The following HAUS7 variants were observed in gnomAD, a reference collection of about 807,000 sequenced individuals.
HAUS7 encodes the protein HAUS augmin-like complex subunit 7.
In HAUS7, 3 loss-of-function variants were observed where a neutral mutation model predicts 28.4. The ratio of observed to expected loss-of-function variants is 0.11; its 90% CI spans 0.05 to 0.27. HAUS7 has a LOEUF of 0.27. HAUS7 is among the 10% of genes least tolerant of loss of function. HAUS7 has a pLI of 1.00. For missense variants in HAUS7, 284 were observed against 297.3 expected (o/e 0.96, Z 0.33); for synonymous variants, 165 against 132.1 (o/e 1.25, Z -1.71).
upstream of HAUS7, chrX:153,470,708 G>A (rs1458656554): frequency 1.5e-5 from 13 of 850,496 alleles, no homozygotes; most frequent in Non-Finnish European, 2.1e-5. Context: ...CCGCCTGCGC[G>A]GGCCCCGGGC....
At chrX:153,469,492 CA>C (rs1419568906) in intron 1 of HAUS7, among the ~76,000 whole-genome samples, 1 of 111,808 alleles carries the variant, frequency 8.9e-6, no homozygotes, top group Non-Finnish European at 1.9e-5. Context: ...CACGCCCGGA[CA>C]ATTTTTGTAT....
chrX:153,482,389 A>T, intron 1 of HAUS7: 1 of 756,314 alleles, frequency 1.3e-6, no homozygotes, highest in Non-Finnish European at 1.6e-6. Flanking sequence ...TCCCGGCCCT[A>T]CCTGCCTCCC....
At chrX:153,465,723 C>T (rs1286172379) in intron 2 of HAUS7, among the ~76,000 whole-genome samples, 3 of 112,364 alleles carry the variant, frequency 2.7e-5, no homozygotes, top group Non-Finnish European at 5.6e-5. Flanking sequence ...CAGGAAGTCC[C>T]ACGACACCCA....
At chrX:153,485,009 G>A (rs955141251) in intron 1 of HAUS7, among the ~76,000 whole-genome samples, 1 of 112,819 alleles carries the variant, frequency 8.9e-6, no homozygotes. Flanking sequence ...CATTCCAGAA[G>A]CCTCACCACC....
Position 153,454,443 on chromosome X carries a change from C to CT in HAUS7, c.995dup (p.Gln333AlafsTer22). The CT allele has an allele frequency of 4.5e-6, 5 of 1,105,308 alleles. No individual in the cohort carries two copies. The highest frequency in any genetic ancestry group is 6.0e-6 in the Non-Finnish European group (5 of 829,465). The allele number at this position is 1,105,308 out of a possible 1,213,427, so 91.1% of individuals were successfully genotyped here. A position where few individuals can be genotyped will look rare whatever the true frequency, so the allele number is the denominator to read the frequency against. ...CACCCCAGCAGATCTGCTCGCCTTG[C>CT]TGCTTCTTCACGGTCTCCACGGCCT... On this transcript the variant is annotated frameshift_variant, in exon 9 of 10. Coordinates refer to ENST00000370211, the MANE Select transcript of HAUS7 (RefSeq NM_001385482.1). LOFTEE classifies it low-confidence loss of function (END_TRUNC).
chrX:153,456,687 G>A (rs782389329), intron 5 of HAUS7, 36 bp from the exon 6 acceptor site: 3 of 1,102,092 alleles, frequency 2.7e-6, no homozygotes, highest in African/African-American at 1.8e-5. Context: ...ACCGTCACAG[G>A]CCAGAGCACT....
intron 4 of HAUS7, chrX:153,461,947 T>C: frequency 2.4e-6 from 1 of 424,602 alleles, no homozygotes; most frequent in Non-Finnish European, 4.2e-6. Context: ...TCACATGGAT[T>C]CACTGACGTC....
upstream of HAUS7, among the ~76,000 whole-genome samples, chrX:153,472,548 C>T (rs1349632043): frequency 3.7e-5 from 4 of 107,995 alleles, no homozygotes; most frequent in Admixed American, 2.0e-4. Context: ...CTGGGCCTCT[C>T]AGGAAGGGGG....
In HAUS7 at chrX:153,456,520, A is replaced by T; in HGVS notation, c.578T>A (p.Leu193His). The change falls in exon 6 of 10, where the codon CTC becomes CAC. Residue 193 changes from leucine (L) to histidine (H), a missense_variant. Coordinates refer to ENST00000370211, the MANE Select transcript of HAUS7 (RefSeq NM_001385482.1). ...DPWPLDMQPL[L>H]NKQSDDWQWA... ...CTGCCAGTCATCACTCTGCTTGTTG[A>T]GGAGGGGCTGCATGTCCAGGGGCCA... The T allele has an allele frequency of 8.5e-7, 1 of 1,179,291 alleles. No individual in the cohort carries two copies. Among genetic ancestry groups the T allele is most frequent in the Non-Finnish European group, 1.1e-6 (1 of 879,244 alleles).
intron 1 of HAUS7, chrX:153,480,661 C>T (rs1556987131): frequency 2.7e-6 from 2 of 754,706 alleles, no homozygotes; most frequent in Non-Finnish European, 3.1e-6. Flanking sequence ...GATCAGCCCA[C>T]CCCGAAGCAG....
chrX:153,461,082 A>G (rs1249194781), intron 4 of HAUS7, among the ~76,000 whole-genome samples: 1 of 111,281 alleles, frequency 9.0e-6, no homozygotes, highest in Non-Finnish European at 1.9e-5. Context: ...GGCTGCAGAA[A>G]CAGAGCTGAT....
intron 2 of HAUS7, among the ~76,000 whole-genome samples, chrX:153,468,571 A>G (rs782714621): frequency 6.7e-4 from 75 of 112,459 alleles, no homozygotes; most frequent in African/African-American, 2.2e-3. Context: ...TCACCCTGTC[A>G]CCATGGGCTT....
At chrX:153,484,394 G>A (rs868959656) in intron 1 of HAUS7, among the ~76,000 whole-genome samples, 4 of 112,523 alleles carry the variant, frequency 3.6e-5, no homozygotes, top group African/African-American at 1.3e-4. Flanking sequence ...ATCTGGTTGG[G>A]ACAGCTAGGT....
At chrX:153,482,020 T>C in intron 1 of HAUS7, 8 of 407,586 alleles carry the variant, frequency 2.0e-5, no homozygotes, top group Non-Finnish European at 2.5e-5. Context: ...CACTGCAGGG[T>C]GGAGCTGCTT....
At position 153,456,312 on chromosome X, in the gene HAUS7, T is replaced by C. The variant is rs868924127; in HGVS notation, c.658A>G (p.Arg220Gly). 1.7e-6 allele frequency: 2 copies of C among 1,211,622 alleles called. No homozygotes were observed. Among genetic ancestry groups the C allele is most frequent in the African/African-American group, 1.7e-5 (1 of 57,895 alleles). Reference protein sequence around the residue: ...EEEEKLAELARQLQESAAKLH... With the variant: ...EEEEKLAELAGQLQESAAKLH... Reference sequence around the variant, plus strand: ...TTGGCAGCACTCTCCTGCAGCTGCCTGGCAAGCTCCGCCAGCTTCTCCTCC... The same window carrying C: ...TTGGCAGCACTCTCCTGCAGCTGCCCGGCAAGCTCCGCCAGCTTCTCCTCC... The change falls in exon 7 of 10, where the codon AGG becomes GGG. Residue 220 changes from arginine to glycine, a missense_variant. By Grantham distance (125) the Arg-to-Gly change is moderately radical (BLOSUM62 -2). Transcript: ENST00000370211.
In HAUS7 at chrX:153,458,785, T is replaced by A. The variant is rs2089349653; in HGVS notation, c.355-1557A>T. Among the ~76,000 whole-genome samples, 3 of 111,542 alleles carry A rather than the reference T, an allele frequency of 2.7e-5. No homozygotes were observed. The Admixed American group carries it at 2.9e-4, about 11-fold the overall frequency. ...TCCTTTTTTTTCTTAAACAACAGGG[T>A]CTTGCTCTGTCGCTCAGGCTGGAGT... On this transcript the variant is annotated intron_variant, in intron 4 of 9. Coordinates refer to ENST00000370211, the MANE Select transcript of HAUS7 (RefSeq NM_001385482.1).
intron 9 of HAUS7, among the ~76,000 whole-genome samples, chrX:153,452,173 C>T (rs2089247168): frequency 8.9e-6 from 1 of 112,034 alleles, no homozygotes; most frequent in African/African-American, 3.3e-5. Context: ...TTCAGCAAAA[C>T]TATCCTTCAA....
chrX:153,486,721 C>T (rs1556988635), intron 1 of HAUS7: 7 of 982,808 alleles, frequency 7.1e-6, no homozygotes, highest in South Asian at 2.0e-5. Context: ...CATTGACCGG[C>T]GCCGCATCCC....
At chrX:153,468,215 G>A (rs1185711637) in intron 2 of HAUS7, among the ~76,000 whole-genome samples, 3 of 112,379 alleles carry the variant, frequency 2.7e-5, no homozygotes, top group East Asian at 2.8e-4. Flanking sequence ...GGCCAGACCG[G>A]CTGGATGCAG....
Sources: allele counts gnomAD v4.1 joint callset (sites outside exome capture counted in the v4.1 genomes callset), GRCh38; gene constraint gnomAD v4.1.1; transcripts MANE v1.5; gene names NCBI Gene and HGNC (gene_info 2026-07-23, HGNC 2026-07-21).